Variants in PCDHGA3 observed in about 807,000 individuals in gnomAD.
PCDHGA3 encodes protocadherin gamma subfamily A, 3.
Under a neutral mutation model 58.5 loss-of-function variants are expected in PCDHGA3, and 40 were observed. The observed-to-expected ratio is 0.68, with a 90% CI of 0.53 to 0.89. The LOEUF (loss-of-function observed/expected upper bound fraction) is 0.89. Ranked by LOEUF, PCDHGA3 falls within the 40% of genes least tolerant of loss-of-function variation. The pLI is 0.00. For synonymous variants in PCDHGA3, 530 were observed against 525.7 expected (o/e 1.01, Z -0.11); for missense variants, 1,223 against 1,195.9 (o/e 1.02, Z -0.33).
intron 1 of PCDHGA3, among the ~76,000 whole-genome samples, chr5:141,435,105 G>C (rs1046201852): frequency 2.6e-5 from 4 of 151,940 alleles, no homozygotes; most frequent in African/African-American, 9.7e-5. Flanking sequence ...TATCTAGGGG[G>C]GAGAAATCTA....
intron 1 of PCDHGA3, chr5:141,384,406 TC>T: frequency 6.2e-7 from 1 of 1,613,908 alleles, no homozygotes; most frequent in Non-Finnish European, 8.5e-7. Flanking sequence ...TCCAGTGTCC[TC>T]CTATGTCTCC....
intron 1 of PCDHGA3, chr5:141,373,807 T>G (rs760297070): frequency 2.9e-6 from 1 of 341,172 alleles, no homozygotes; most frequent in African/African-American, 2.1e-5. Context: ...CTCTGTGTGA[T>G]AGTTTCACAA....
intron 1 of PCDHGA3, chr5:141,366,750 A>G: frequency 1.9e-6 from 3 of 1,607,760 alleles, no homozygotes; most frequent in Non-Finnish European, 2.6e-6. Flanking sequence ...CGGCGAGTTC[A>G]GGTTAGTTTT....
At chr5:141,407,559 G>A (rs1210777840) in intron 1 of PCDHGA3, among the ~76,000 whole-genome samples, 1 of 151,834 alleles carries the variant, frequency 6.6e-6, no homozygotes, top group African/African-American at 2.4e-5. Context: ...TAGAACATAA[G>A]CTGAAAGATA....
intron 2 of PCDHGA3, among the ~76,000 whole-genome samples, chr5:141,499,868 A>G (rs2099794957): frequency 6.6e-6 from 1 of 152,024 alleles, no homozygotes; most frequent in Non-Finnish European, 1.5e-5. Context: ...TTGTATTTTC[A>G]GTACAAACAG....
At chr5:141,509,411 AGCC>A (rs2099876675) in intron 3 of PCDHGA3, among the ~76,000 whole-genome samples, 2 of 152,098 alleles carry the variant, frequency 1.3e-5, no homozygotes, top group Admixed American at 1.3e-4. Flanking sequence ...TCCAGCAGCG[AGCC>A]CCAATGAGTC....
At chr5:141,392,771 A>G in intron 1 of PCDHGA3, 1 of 1,514,130 alleles carries the variant, frequency 6.6e-7, no homozygotes, top group Non-Finnish European at 8.8e-7. Flanking sequence ...AGACCCATTT[A>G]TGCACAGTGA....
chr5:141,431,297 C>T lies in PCDHGA3; in HGVS notation c.2425-63510C>T. The T allele has an allele frequency of 6.2e-7, 1 of 1,614,126 alleles. No homozygotes were observed. The highest frequency in any genetic ancestry group is 8.5e-7 in the Non-Finnish European group (1 of 1,180,036). Reference sequence around the variant, plus strand: ...GCTCAGCCCGAACACTCACTTCTCCCTCATCGTGCAAAATGGAGCCGACGG... The same window carrying T: ...GCTCAGCCCGAACACTCACTTCTCCTTCATCGTGCAAAATGGAGCCGACGG... On this transcript the variant is annotated intron_variant, in intron 1 of 3. Coordinates refer to ENST00000253812, the MANE Select transcript of PCDHGA3 (RefSeq NM_018916.4). This position sits in a 1 kb window ranked among gnomAD's most constrained non-coding sequence, Gnocchi z 4.8.
intron 1 of PCDHGA3, chr5:141,400,772 G>T: frequency 1.8e-6 from 1 of 570,264 alleles, no homozygotes. Context: ...AAAACATTTG[G>T]TGCGTTTTTT....
chr5:141,394,171 C>T (rs115102808), intron 1 of PCDHGA3: 17,700 of 1,613,924 alleles, frequency 0.011, 141 homozygotes, highest in Non-Finnish European at 0.013. Flanking sequence ...CCTACTTTCC[C>T]TCATGCCTCC....
At chr5:141,427,912 A>G in intron 1 of PCDHGA3, 1 of 1,577,806 alleles carries the variant, frequency 6.3e-7, no homozygotes, top group East Asian at 2.2e-5. Flanking sequence ...CTCAGCGCCA[A>G]CATGAGCCGG....
chr5:141,434,852 A>G (rs1382212982), intron 1 of PCDHGA3, among the ~76,000 whole-genome samples: 2 of 151,990 alleles, frequency 1.3e-5, no homozygotes, highest in Non-Finnish European at 2.9e-5. Context: ...AGACATCAAT[A>G]AATTTATATA....
chr5:141,448,786 A>C (rs1354591718), intron 1 of PCDHGA3, among the ~76,000 whole-genome samples: 1 of 148,848 alleles, frequency 6.7e-6, no homozygotes, highest in African/African-American at 2.5e-5. Flanking sequence ...TAAAAATACA[A>C]AAAAAAAAAT....
chr5:141,392,101 C>G (rs1234202076), intron 1 of PCDHGA3: 1 of 152,130 alleles, frequency 6.6e-6, no homozygotes, highest in Non-Finnish European at 1.5e-5. Context: ...AATTTAAAAG[C>G]AACAACTCTA....
intron 1 of PCDHGA3, among the ~76,000 whole-genome samples, chr5:141,455,423 CA>C (rs2098822271): frequency 6.6e-6 from 1 of 152,040 alleles, no homozygotes; most frequent in Non-Finnish European, 1.5e-5. Flanking sequence ...AGCGGGGCTC[CA>C]AAAGAGGAGG....
chr5:141,419,905 T>G (rs916259620), intron 1 of PCDHGA3: 23 of 1,613,978 alleles, frequency 1.4e-5, no homozygotes, highest in Non-Finnish European at 1.9e-5. Context: ...CCACACCCTC[T>G]GACTCCCAGG....
chr5:141,404,592 C>T, intron 1 of PCDHGA3: 1 of 1,614,048 alleles, frequency 6.2e-7, no homozygotes, highest in African/African-American at 1.3e-5. Flanking sequence ...AGCAATGTGT[C>T]ATTGAGACTG....
intron 1 of PCDHGA3, chr5:141,356,609 C>T: frequency 6.2e-7 from 1 of 1,614,184 alleles, no homozygotes; most frequent in Non-Finnish European, 8.5e-7. Context: ...AGAGGAGCCT[C>T]CATCTTATCT....
rs2099402935 is a variant in PCDHGA3, at chr5:141,476,991, G to A, written c.2425-17816G>A. On this transcript the variant is annotated intron_variant, in intron 1 of 3. Transcript: ENST00000253812. The surrounding 1 kb of genome is among the most constrained non-coding windows in gnomAD (Gnocchi z 7.6). ...GGCAGCCACAACCGCGCCGGCGTGC[G>A]GCAACTATTCGCCTTAGACCTTGTA... 4 of 1,614,094 alleles carry A rather than the reference G, an allele frequency of 2.5e-6. No homozygotes were observed. Among genetic ancestry groups the A allele is most frequent in the Non-Finnish European group, 3.4e-6 (4 of 1,180,056 alleles).
Sources: allele counts gnomAD v4.1 joint callset (sites outside exome capture counted in the v4.1 genomes callset), GRCh38; gene constraint gnomAD v4.1.1; non-coding constraint Gnocchi (gnomAD v3.1); transcripts MANE v1.5; gene names NCBI Gene and HGNC (gene_info 2026-07-23, HGNC 2026-07-21).